The following GDAP1 variants were observed in gnomAD, a reference collection of about 807,000 sequenced individuals.
GDAP1 encodes the protein ganglioside-induced differentiation-associated protein 1.
GDAP1 carries 34 observed loss-of-function variants against 40.1 expected under a neutral mutation model. The ratio of observed to expected loss-of-function variants is 0.85; its 90% CI spans 0.64 to 1.13. GDAP1 has a LOEUF of 1.13. GDAP1 is among the 50% of genes most tolerant of loss of function. GDAP1 has a pLI of 0.00. For missense variants in GDAP1, 374 were observed against 433.7 expected (o/e 0.86, Z 1.22); for synonymous variants, 170 against 157.4 (o/e 1.08, Z -0.60).
intron 2 of GDAP1, among the ~76,000 whole-genome samples, chr8:74,470,336 T>C (rs1420609990): frequency 1.3e-5 from 2 of 152,202 alleles, no homozygotes; most frequent in Non-Finnish European, 1.5e-5. Context: ...ATGTGCCATG[T>C]TGGTGTGCTG....
chr8:74,396,617 G>A (rs1810204271), intron 2 of GDAP1, among the ~76,000 whole-genome samples: 1 of 147,724 alleles, frequency 6.8e-6, no homozygotes, highest in South Asian at 2.1e-4. Context: ...TTGGTTTTTT[G>A]TCCTTGCGAT....
At chr8:74,395,986 G>A (rs545310134) in intron 2 of GDAP1, among the ~76,000 whole-genome samples, 1 of 152,294 alleles carries the variant, frequency 6.6e-6, no homozygotes, top group South Asian at 2.1e-4. Context: ...AAGAGTAAAT[G>A]TCAGAGTGTC....
At chr8:74,385,129 A>G (rs1228531876) in intron 2 of GDAP1, among the ~76,000 whole-genome samples, 1 of 152,102 alleles carries the variant, frequency 6.6e-6, no homozygotes, top group African/African-American at 2.4e-5. Context: ...ATATTACCAA[A>G]CCCAAGTCGC....
chr8:74,430,281 A>T (rs1806009247), intron 2 of GDAP1, among the ~76,000 whole-genome samples: 1 of 152,246 alleles, frequency 6.6e-6, no homozygotes, highest in African/African-American at 2.4e-5. Context: ...TGACAAAACA[A>T]CTCCACTTCT....
chr8:74,444,539 A>G (rs982510093), intron 2 of GDAP1, among the ~76,000 whole-genome samples: 1 of 152,192 alleles, frequency 6.6e-6, no homozygotes, highest in Non-Finnish European at 1.5e-5. Flanking sequence ...TTAGAAAATT[A>G]TGATTATGCA....
intron 2 of GDAP1, among the ~76,000 whole-genome samples, chr8:74,390,569 G>A (rs1176739706): frequency 1.3e-5 from 2 of 152,162 alleles, no homozygotes; most frequent in Non-Finnish European, 2.9e-5. Flanking sequence ...TCCCAGAGGG[G>A]CACCCGCCAG....
intron 2 of GDAP1, among the ~76,000 whole-genome samples, chr8:74,454,905 T>C (rs1345542195): frequency 6.6e-6 from 1 of 151,662 alleles, no homozygotes; most frequent in African/African-American, 2.4e-5. Flanking sequence ...TCATCTTCTT[T>C]AGATAGTATG....
rs1204865258 is a variant in GDAP1 at position 74,470,785 on chromosome 8, G to A, written c.166-17893G>A. Among the ~76,000 whole-genome samples the A allele has an allele frequency of 2.0e-5, 3 of 152,114 alleles. No individual in the cohort carries two copies. In the East Asian group the frequency reaches 5.8e-4, roughly 29 times the overall value. On this transcript the variant is annotated intron_variant, in intron 2 of 2. Coordinates refer to the GDAP1 transcript ENST00000523640. Reference sequence around the variant, plus strand: ...TATATACCCAGTAATGGGATGGCTGGGTCAAATGGTATTTCTAGTTCTAGA... The same window carrying A: ...TATATACCCAGTAATGGGATGGCTGAGTCAAATGGTATTTCTAGTTCTAGA...
At chr8:74,438,138 C>T (rs535680530) in intron 2 of GDAP1, among the ~76,000 whole-genome samples, 39 of 152,174 alleles carry the variant, frequency 2.6e-4, no homozygotes, top group Non-Finnish European at 5.0e-4. Context: ...GGCATGGTGG[C>T]GCGCGCCTGT....
chr8:74,482,024 G>T (rs1489478284), intron 2 of GDAP1, among the ~76,000 whole-genome samples: 2 of 151,444 alleles, frequency 1.3e-5, no homozygotes, highest in Non-Finnish European at 2.9e-5. Flanking sequence ...GTATGAGGTG[G>T]AATGGGGATA....
At chr8:74,450,607 G>A (rs1488238694) in intron 2 of GDAP1, among the ~76,000 whole-genome samples, 1 of 151,842 alleles carries the variant, frequency 6.6e-6, no homozygotes, top group Non-Finnish European at 1.5e-5. Context: ...AACCACTTCA[G>A]TTTCCTTGGC....
At chr8:74,371,686 G>A (rs1809753973), downstream of GDAP1, among the ~76,000 whole-genome samples, 1 of 152,194 alleles carries the variant, frequency 6.6e-6, no homozygotes, top group South Asian at 2.1e-4. Context: ...AATATTTTGA[G>A]TTGAATAATA....
rs1158338028 is a variant in GDAP1 at position 74,351,471 on chromosome 8, T to C, written c.310+5T>C. The C allele has an allele frequency of 9.4e-6, 15 of 1,602,596 alleles. No homozygotes were observed. Among genetic ancestry groups the C allele is most frequent in the Admixed American group, 1.7e-5 (1 of 59,994 alleles). On this transcript the variant is annotated splice_donor_5th_base_variant and intron_variant, in intron 2 of 5. Transcript: ENST00000220822. ...TTGAACAGACTTTCCTGGATGGTAA[T>C]GTTAAGGCTACTTGCGATTTCTTGG...
At chr8:74,458,086 A>G (rs1207519248) in intron 2 of GDAP1, among the ~76,000 whole-genome samples, 1 of 152,048 alleles carries the variant, frequency 6.6e-6, no homozygotes, top group East Asian at 1.9e-4. Context: ...AGTCATCCCT[A>G]CAGTTTTGAG....
chr8:74,467,678 G>A (rs1420629829), intron 2 of GDAP1, among the ~76,000 whole-genome samples: 1 of 152,164 alleles, frequency 6.6e-6, no homozygotes, highest in African/African-American at 2.4e-5. Flanking sequence ...GAAATTACAA[G>A]GTGGAGGTAC....
intron 2 of GDAP1, among the ~76,000 whole-genome samples, chr8:74,372,694 A>C (rs913202305): frequency 4.6e-5 from 7 of 152,198 alleles, no homozygotes; most frequent in African/African-American, 1.7e-4. Context: ...AGATTGCAAA[A>C]ATTTTCTCCC....
At chr8:74,361,553 C>T (rs182706157) in intron 3 of GDAP1, among the ~76,000 whole-genome samples, 10 of 152,238 alleles carry the variant, frequency 6.6e-5, no homozygotes, top group East Asian at 3.9e-4. Context: ...TGCGCCACCA[C>T]GCCCAGACAA....
rs1466288289 is a variant in GDAP1 at position 74,451,365 on chromosome 8, G to A, written c.166-37313G>A. On this transcript the variant is annotated intron_variant, in intron 2 of 2. Coordinates refer to the GDAP1 transcript ENST00000523640. ...CTCAGGAGGCTGAGGCAGGAGAATC[G>A]CTTGAACCCAGGTGGTGGAGGTGGC... Among the ~76,000 whole-genome samples, 3 of 79,364 alleles carry A rather than the reference G, an allele frequency of 3.8e-5. 1 individual carries two copies. In the Admixed American group the frequency reaches 3.8e-4, roughly 10 times the overall value. The allele number at this position is 79,364 out of a possible 152,430, so 52.1% of individuals were successfully genotyped here.
At chr8:74,356,472 G>A (rs919576864) in intron 2 of GDAP1, among the ~76,000 whole-genome samples, 6 of 151,838 alleles carry the variant, frequency 4.0e-5, no homozygotes, top group African/African-American at 9.7e-5. Context: ...CTATAAATTT[G>A]TCTCAAAATC....
Sources: gnomAD v4.1 joint callset for allele counts (sites outside exome capture counted in the v4.1 genomes callset) on GRCh38, gnomAD v4.1.1 for gene constraint, MANE v1.5 for transcripts, NCBI Gene and HGNC (gene_info 2026-07-23, HGNC 2026-07-21) for gene names.